CUEDC1: variants seen among roughly 807,000 people sequenced by gnomAD.
CUEDC1 encodes the protein CUE domain containing 1, also known as CUE domain-containing protein 1.
Under a neutral mutation model 43.7 loss-of-function variants are expected in CUEDC1, and 30 were observed. The observed-to-expected ratio is 0.69, with a 90% CI of 0.51 to 0.93. The LOEUF (loss-of-function observed/expected upper bound fraction) is 0.93, where lower values mean the gene tolerates loss of function less well. Ranked by LOEUF, CUEDC1 falls within the 40% of genes least tolerant of loss-of-function variation. CUEDC1 has a pLI of 0.00. For missense variants in CUEDC1, 486 were observed against 549.0 expected, an observed-to-expected ratio of 0.89 and a Z score of 1.15; for synonymous variants, 223 against 223.6, an observed-to-expected ratio of 1.00 and a Z score of 0.02.
At chr17:57,943,102 C>G (rs574875405) in intron 1 of CUEDC1, among the ~76,000 whole-genome samples, 1 of 152,156 alleles carries the variant, frequency 6.6e-6, no homozygotes, top group Non-Finnish European at 1.5e-5. Flanking sequence ...CGACATGCCT[C>G]CCTATTCTTT....
At chr17:57,901,004 A>T (rs2074465750) in intron 1 of CUEDC1, among the ~76,000 whole-genome samples, 1 of 152,194 alleles carries the variant, frequency 6.6e-6, no homozygotes, top group Non-Finnish European at 1.5e-5. Context: ...CCCACTATTA[A>T]ATCAGAATCT....
At chr17:57,889,346 C>T (rs987173153) in intron 1 of CUEDC1, among the ~76,000 whole-genome samples, 3 of 152,130 alleles carry the variant, frequency 2.0e-5, no homozygotes, top group Admixed American at 1.3e-4. Context: ...GGGTCTTCCC[C>T]AGCACCTGGA....
intron 10 of CUEDC1, among the ~76,000 whole-genome samples, chr17:57,864,620 G>C (rs2073930013): frequency 6.6e-6 from 1 of 152,146 alleles, no homozygotes; most frequent in African/African-American, 2.4e-5. Context: ...CCGAGTGATG[G>C]GAGGGGCTGT....
intron 8 of CUEDC1, 100 bp from the exon 9 acceptor site, chr17:57,867,515 G>A: frequency 9.1e-7 from 1 of 1,103,482 alleles, no homozygotes; most frequent in South Asian, 1.3e-5. Flanking sequence ...AAGCTCTGGA[G>A]GTACCTGACA....
chr17:57,952,127 A>G (rs777672105), intron 1 of CUEDC1, among the ~76,000 whole-genome samples: 2 of 152,222 alleles, frequency 1.3e-5, no homozygotes, highest in Non-Finnish European at 2.9e-5. Flanking sequence ...CATGCCACCA[A>G]GACACTTTCA....
chr17:57,943,277 G>C (rs1413293014), intron 1 of CUEDC1, among the ~76,000 whole-genome samples: 2 of 152,176 alleles, frequency 1.3e-5, no homozygotes, highest in South Asian at 4.1e-4. Flanking sequence ...CGCCCTAGGA[G>C]ACTGACATGG....
intron 1 of CUEDC1, among the ~76,000 whole-genome samples, chr17:57,923,142 G>A (rs527726049): frequency 6.6e-6 from 1 of 152,040 alleles, no homozygotes; most frequent in African/African-American, 2.4e-5. Context: ...TTTATTTTTT[G>A]TTTACAATTT....
chr17:57,874,088 C>T (rs544368982), intron 3 of CUEDC1, among the ~76,000 whole-genome samples: 37 of 152,346 alleles, frequency 2.4e-4, no homozygotes, highest in Middle Eastern at 3.4e-3. Flanking sequence ...TACACAGTGC[C>T]AGGCTCATGG....
chr17:57,879,699 C>G lies in CUEDC1; in HGVS notation c.376G>C (p.Glu126Gln), dbSNP rs772672320. Reference protein sequence around the residue: ...RTLEPDSSDEEPPPVYSPPAY... With the variant: ...RTLEPDSSDEQPPPVYSPPAY... ...GGCGGGGAGTACACAGGTGGGGGCT[C>G]TTCATCCGAGCTATCAGGTTCCAAA... is the stretch of plus-strand genomic sequence containing the variant. The change falls in exon 3 of 11, where the codon GAG becomes CAG. Residue 126 changes from glutamate (E) to glutamine (Q), a missense_variant. Coordinates refer to ENST00000577830, the MANE Select transcript of CUEDC1 (RefSeq NM_001271875.2). 6.2e-7 allele frequency: 1 copy of G among 1,601,406 alleles called. No individual in the cohort carries two copies. Among genetic ancestry groups the G allele is most frequent in the South Asian group, 1.1e-5 (1 of 88,962 alleles).
chr17:57,951,311 T>C (rs1053643753), intron 1 of CUEDC1, among the ~76,000 whole-genome samples: 1 of 152,194 alleles, frequency 6.6e-6, no homozygotes, highest in Non-Finnish European at 1.5e-5. Flanking sequence ...CTCTGGCACT[T>C]ACAAAGTCTT....
intron 1 of CUEDC1, among the ~76,000 whole-genome samples, chr17:57,921,437 A>G (rs1211533554): frequency 2.0e-5 from 3 of 152,208 alleles, no homozygotes; most frequent in African/African-American, 7.2e-5. Flanking sequence ...CCATGACTTT[A>G]TAAGGAAGAT....
In CUEDC1 at chr17:57,872,867, A is replaced by G; in HGVS notation, c.592-12T>C. On this transcript the variant is annotated splice_polypyrimidine_tract_variant and intron_variant, in intron 4 of 10. Transcript: ENST00000577830. ...CCCCCAGCGTTACCCTGAGGAGGGA[A>G]GCGAGCATGTTGAATGTGTACACAC... is the stretch of plus-strand genomic sequence containing the variant. 6.2e-7 allele frequency: 1 copy of G among 1,607,712 alleles called. No homozygotes were observed. Among genetic ancestry groups the G allele is most frequent in the African/African-American group, 1.3e-5 (1 of 74,494 alleles).
intron 3 of CUEDC1, 149 bp from the exon 4 acceptor site, chr17:57,873,866 T>C: frequency 2.5e-6 from 2 of 785,090 alleles, no homozygotes; most frequent in Non-Finnish European, 3.7e-6. Flanking sequence ...CCCGTCACTC[T>C]GTCTCATCAC....
At chr17:57,864,836 C>A (rs1336841863) in intron 10 of CUEDC1, among the ~76,000 whole-genome samples, 2 of 152,126 alleles carry the variant, frequency 1.3e-5, no homozygotes, top group African/African-American at 4.8e-5. Flanking sequence ...GGCAGGTCAC[C>A]TGGGGTCAGA....
chr17:57,861,315 A>T lies in CUEDC1; in HGVS notation c.*1974T>A, dbSNP rs1305805598. ...CTTTCTCAACAGACTGGCTTTCCCCATGGTGTTTCCCTTGCCTGATACAGC... is the reference window on the plus strand; with the variant it reads ...CTTTCTCAACAGACTGGCTTTCCCCTTGGTGTTTCCCTTGCCTGATACAGC... On this transcript the variant is annotated 3_prime_UTR_variant, in exon 11 of 11. Transcript: ENST00000577830. 1 of 152,254 alleles carries T rather than the reference A, an allele frequency of 6.6e-6. No homozygotes were observed. Among genetic ancestry groups the T allele is most frequent in the Non-Finnish European group, 1.5e-5 (1 of 68,066 alleles). 9.4% of individuals were successfully genotyped at this position (152,254 alleles called of 1,614,324 possible).
intron 2 of CUEDC1, among the ~76,000 whole-genome samples, chr17:57,884,179 C>T (rs2074253932): frequency 6.7e-6 from 1 of 148,624 alleles, no homozygotes; most frequent in Non-Finnish European, 1.5e-5. Context: ...TACAGCCGCA[C>T]TCTTTTTCTT....
chr17:57,945,327 G>A (rs992802530), intron 1 of CUEDC1, among the ~76,000 whole-genome samples: 1 of 152,188 alleles, frequency 6.6e-6, no homozygotes, highest in Non-Finnish European at 1.5e-5. Flanking sequence ...TAGCATTCAG[G>A]AAACCTTTAA....
At position 57,866,484 on chromosome 17, in the gene CUEDC1, C is replaced by T. The variant is rs1568025233; in HGVS notation, c.1154G>A (p.Gly385Glu). The change falls in exon 10 of 11, where the codon GGA (glycine) becomes GAA (glutamate). Residue 385 changes from glycine to glutamate, a missense_variant. Gly to Glu is a moderately conservative substitution (Grantham distance 98). Coordinates refer to ENST00000577830, the MANE Select transcript of CUEDC1 (RefSeq NM_001271875.2). ...GGCTCCAGGCCTTACCTCTTACTGT[C>T]CTTCTCGCAGGCCTTCCTCCACCTT... is the stretch of plus-strand genomic sequence containing the variant. ...APKVEEGLREGQ is the reference protein window; with the variant it reads ...APKVEEGLREEQ 6.2e-7 allele frequency: 1 copy of T among 1,614,170 alleles called. No individual in the cohort carries two copies. Among genetic ancestry groups the T allele is most frequent in the Non-Finnish European group, 8.5e-7 (1 of 1,180,012 alleles).
chr17:57,879,882 C>G (rs2074180646), intron 2 of CUEDC1, 144 bp from the exon 3 acceptor site: 1 of 864,654 alleles, frequency 1.2e-6, no homozygotes, highest in African/African-American at 1.8e-5. Context: ...ATACAATCAC[C>G]ACTTTAGAAA....
Sources: allele counts gnomAD v4.1 joint callset (sites outside exome capture counted in the v4.1 genomes callset), GRCh38; gene constraint gnomAD v4.1.1; transcripts MANE v1.5; gene names NCBI Gene and HGNC (gene_info 2026-07-23, HGNC 2026-07-21).